IRF5: variants seen among roughly 807,000 people sequenced by gnomAD.
IRF5 encodes the protein interferon regulatory factor 5.
A neutral mutation model predicts 55.1 loss-of-function variants in IRF5; 24 were observed. The ratio of observed to expected loss-of-function variants is 0.44; its 90% confidence interval spans 0.32 to 0.61. The LOEUF (loss-of-function observed/expected upper bound fraction) is 0.61, where lower values mean the gene tolerates loss of function less well. Ranked by LOEUF, IRF5 falls within the 20% of genes least tolerant of loss-of-function variation. IRF5 has a pLI of 0.07. For synonymous variants in IRF5, 258 were observed against 260.2 expected (o/e 0.99, Z 0.08); for missense variants, 499 against 658.5 (o/e 0.76, Z 2.65).
chr7:128,944,920 G>A (rs1796220039), intron 2 of IRF5, among the ~76,000 whole-genome samples: 1 of 152,168 alleles, frequency 6.6e-6, no homozygotes, highest in Non-Finnish European at 1.5e-5. Flanking sequence ...AACTTTGTGT[G>A]TGCAATATTT....
chr7:128,945,227 C>T (rs1796235571), intron 2 of IRF5, among the ~76,000 whole-genome samples: 1 of 152,192 alleles, frequency 6.6e-6, no homozygotes, highest in Admixed American at 6.5e-5. Flanking sequence ...ATCCTCTCAC[C>T]TCAGCCTCCT....
At chr7:128,938,472 C>CG (rs1585285922) in intron 1 of IRF5, among the ~76,000 whole-genome samples, 1 of 152,182 alleles carries the variant, frequency 6.6e-6, no homozygotes, top group Non-Finnish European at 1.5e-5. Context: ...CACAGAGGAG[C>CG]GAGGCCCGAT....
Position 128,948,423 on chromosome 7 carries a change from G to T in IRF5, c.1299+95G>T. 1.4e-6 allele frequency: 2 copies of T among 1,462,284 alleles called. No homozygotes were observed. The allele number at this position is 1,462,284 out of a possible 1,614,324, so 90.6% of individuals were successfully genotyped here. A position where few individuals can be genotyped will look rare whatever the true frequency, so the allele number is the denominator to read the frequency against. ...CCAGGCTGGAGGCTCAGGGCTCCCTGAGCAGTGTGAACTTGGCGGCCAGAG... is the reference window on the plus strand; with the variant it reads ...CCAGGCTGGAGGCTCAGGGCTCCCTTAGCAGTGTGAACTTGGCGGCCAGAG... On this transcript the variant is annotated intron_variant, in intron 8 of 8. Transcript: ENST00000357234. The surrounding 1 kb of genome is among the most constrained non-coding windows in gnomAD (Gnocchi z 4.6).
intron 1 of IRF5, chr7:128,940,294 G>GC (rs1175513110): frequency 1.3e-5 from 2 of 152,482 alleles, no homozygotes; most frequent in Non-Finnish European, 2.9e-5. Flanking sequence ...AACGGCACCA[G>GC]CGCCTGCACG....
rs145718108 is a variant in IRF5, at chr7:128,946,638, G to C, written c.447+76G>C. On this transcript the variant is annotated intron_variant, in intron 4 of 8. Coordinates refer to ENST00000357234, the MANE Select transcript of IRF5 (RefSeq NM_001098629.3). This position sits in a 1 kb window ranked among gnomAD's most constrained non-coding sequence, Gnocchi z 4.2. ...TCCCCATCGGCCTTAGGTTTCCGCA[G>C]CCCCACTCCCATGGAGCCCCGTGGC... The C allele has an allele frequency of 1.0e-6, 1 of 972,744 alleles. No individual in the cohort carries two copies. The highest frequency in any genetic ancestry group is 1.6e-6 in the Non-Finnish European group (1 of 627,484). 60.3% of individuals were successfully genotyped at this position (972,744 alleles called of 1,614,324 possible). A position where few individuals can be genotyped will look rare whatever the true frequency, so the allele number is the denominator to read the frequency against.
chr7:128,947,462 C>G lies in IRF5; in HGVS notation c.714C>G (p.Pro238=), dbSNP rs1796380710. 1 of 1,611,292 alleles carries G rather than the reference C, an allele frequency of 6.2e-7. No homozygotes were observed. Among genetic ancestry groups the G allele is most frequent in the South Asian group, 1.1e-5 (1 of 90,938 alleles). Residue 238 remains proline (P), a synonymous_variant, in exon 6 of 9, where the codon CCC becomes CCG. Coordinates refer to ENST00000357234, the MANE Select transcript of IRF5 (RefSeq NM_001098629.3). The surrounding 1 kb of genome is among the most constrained non-coding windows in gnomAD (Gnocchi z 6.5). ...TCTCTGAGGTCCTGGAGCCTGGGCC[C>G]CTGCCTGCCAGCCTGCCCCCTGCAG... The part of the protein sequence containing the change: ...ELLSEVLEPG[P]LPASLPPAGE...
intron 1 of IRF5, among the ~76,000 whole-genome samples, chr7:128,941,814 T>A (rs1796037052): frequency 1.3e-5 from 2 of 152,140 alleles, no homozygotes; most frequent in South Asian, 4.1e-4. Context: ...AGTTGGAGAA[T>A]GGATGCCTCT....
chr7:128,942,014 C>T, intron 1 of IRF5, 57 bp from the exon 2 acceptor site: 2 of 1,383,752 alleles, frequency 1.4e-6, no homozygotes, highest in South Asian at 2.7e-5. Context: ...CCTCTGAGTA[C>T]CCTGTCCCCA....
intron 1 of IRF5, 79 bp from the exon 2 acceptor site, chr7:128,941,992 T>C (rs1406034528): frequency 2.8e-6 from 3 of 1,079,874 alleles, no homozygotes; most frequent in Non-Finnish European, 4.0e-6. Flanking sequence ...TCCTTTGTGG[T>C]CCATAGCTTG....
rs1212920141 is a variant in IRF5 at position 128,948,559 on chromosome 7, T to C, written c.1300-14T>C. 3.1e-6 allele frequency: 5 copies of C among 1,612,940 alleles called. No individual in the cohort carries two copies. The South Asian group carries it at 4.4e-5, about 14-fold the overall frequency. On this transcript the variant is annotated splice_polypyrimidine_tract_variant and intron_variant, in intron 8 of 8. Transcript: ENST00000357234. The surrounding 1 kb of genome is among the most constrained non-coding windows in gnomAD (Gnocchi z 4.6). ...CCACAGGTCTCCCTGTCTCATCTCC[T>C]CTTTGCCTCCCAGGTGGTGCCTGTA...
rs778604678 is a variant in IRF5 at position 128,942,285 on chromosome 7, C to G, written c.195+9C>G. On this transcript the variant is annotated intron_variant, in intron 2 of 8. Coordinates refer to ENST00000357234, the MANE Select transcript of IRF5 (RefSeq NM_001098629.3). Reference sequence around the variant, plus strand: ...ATAACACCATCTTCAAGGTAAGCCCCGGGGAGGAGGTTGGCTGGACCTCCA... The same window carrying G: ...ATAACACCATCTTCAAGGTAAGCCCGGGGGAGGAGGTTGGCTGGACCTCCA... 5.0e-6 allele frequency: 8 copies of G among 1,603,130 alleles called. No individual in the cohort carries two copies. The highest frequency in any genetic ancestry group is 6.8e-6 in the Non-Finnish European group (8 of 1,172,988).
Position 128,946,906 on chromosome 7 carries a change from G to T in IRF5, c.448-117G>T, listed in dbSNP as rs1563076111. The T allele has an allele frequency of 7.8e-7, 1 of 1,284,330 alleles. No individual in the cohort carries two copies. The highest frequency in any genetic ancestry group is 1.1e-6 in the Non-Finnish European group (1 of 888,162). The allele number at this position is 1,284,330 out of a possible 1,614,324, so 79.6% of individuals were successfully genotyped here. A position where few individuals can be genotyped will look rare whatever the true frequency, so the allele number is the denominator to read the frequency against. ...AGGGTCTTGCCTGAGCTAAACTGAG[G>T]CTAGGGGAGTTGCCTCATAGTTCTC... On this transcript the variant is annotated intron_variant, in intron 4 of 8. Transcript: ENST00000357234. The surrounding 1 kb of genome is among the most constrained non-coding windows in gnomAD (Gnocchi z 4.2).
At chr7:128,942,335 GCGCACATAA>G in intron 2 of IRF5, 59 bp downstream of exon 2, 1 of 1,501,958 alleles carries the variant, frequency 6.7e-7, no homozygotes, top group South Asian at 1.2e-5. Flanking sequence ...CAGAAGAGGA[GCGCACATAA>G]CGCACACAGG....
upstream of IRF5, among the ~76,000 whole-genome samples, chr7:128,937,117 C>A (rs1016927208): frequency 6.6e-6 from 1 of 152,204 alleles, no homozygotes; most frequent in African/African-American, 2.4e-5. Context: ...GCAAAATCAA[C>A]CAGGAAGCTA....
intron 2 of IRF5, among the ~76,000 whole-genome samples, chr7:128,942,575 C>T (rs1485599354): frequency 6.6e-6 from 1 of 152,028 alleles, no homozygotes; most frequent in Non-Finnish European, 1.5e-5. Flanking sequence ...GCCTCAGCCT[C>T]CTGAGTAGCT....
At chr7:128,944,167 T>G (rs923279573) in intron 2 of IRF5, among the ~76,000 whole-genome samples, 2 of 152,270 alleles carry the variant, frequency 1.3e-5, no homozygotes, top group Non-Finnish European at 2.9e-5. Context: ...TCAGCTTTCC[T>G]TTCCAACATA....
chr7:128,937,885 G>C (rs1242181816), upstream of IRF5: 2 of 149,980 alleles, frequency 1.3e-5, no homozygotes, highest in African/African-American at 4.9e-5. Flanking sequence ...GGCACTGCCC[G>C]CGCCCGGAGC....
At chr7:128,944,059 T>C (rs1301433551) in intron 2 of IRF5, among the ~76,000 whole-genome samples, 1 of 152,196 alleles carries the variant, frequency 6.6e-6, no homozygotes, top group Non-Finnish European at 1.5e-5. Context: ...TTTGCTTACA[T>C]TTTAGTTTTT....
rs1318041725 is a variant in IRF5, at chr7:128,948,183, T to C, written c.1181-27T>C. ...TTGCCCAGGGCATGGTTCCAGCCTC[T>C]GACTAGGGACCTTGATTTTGATGCA... is the stretch of plus-strand genomic sequence containing the variant. On this transcript the variant is annotated intron_variant, in intron 7 of 8. Transcript: ENST00000357234. The surrounding 1 kb of genome is among the most constrained non-coding windows in gnomAD (Gnocchi z 4.6). 6.2e-7 allele frequency: 1 copy of C among 1,611,680 alleles called. No individual in the cohort carries two copies. Among genetic ancestry groups the C allele is most frequent in the African/African-American group, 1.3e-5 (1 of 74,864 alleles).
Sources: gnomAD v4.1 joint callset for allele counts (sites outside exome capture counted in the v4.1 genomes callset) on GRCh38, gnomAD v4.1.1 for gene constraint, Gnocchi (gnomAD v3.1) non-coding constraint, MANE v1.5 for transcripts, NCBI Gene and HGNC (gene_info 2026-07-23, HGNC 2026-07-21) for gene names.